The following DNAJC1 variants were observed in gnomAD, a reference collection of about 807,000 sequenced individuals.
DNAJC1 encodes DnaJ heat shock protein family (Hsp40) member C1.
Under a neutral mutation model 76.6 loss-of-function variants are expected in DNAJC1, and 58 were observed. The ratio of observed to expected loss-of-function variants is 0.76; its 90% CI spans 0.61 to 0.94. DNAJC1 has a LOEUF of 0.94. Ranked by LOEUF, DNAJC1 falls within the 40% of genes least tolerant of loss-of-function variation. The pLI, the probability that DNAJC1 is intolerant of heterozygous loss-of-function variation, is 0.00. For synonymous variants in DNAJC1, 258 were observed against 267.9 expected (o/e 0.96, Z 0.36); for missense variants, 689 against 677.3 (o/e 1.02, Z -0.19).
At chr10:21,810,548 G>C (rs921258194) in intron 8 of DNAJC1, among the ~76,000 whole-genome samples, 19 of 152,202 alleles carry the variant, frequency 1.2e-4, no homozygotes, top group African/African-American at 4.6e-4. Context: ...AAAGAGTCAT[G>C]AATTAATTTT....
At chr10:21,872,073 C>CTTT (rs546290479) in intron 8 of DNAJC1, among the ~76,000 whole-genome samples, 3 of 133,042 alleles carry the variant, frequency 2.3e-5, no homozygotes, top group African/African-American at 2.8e-5. Flanking sequence ...GTTAAATCAT[C>CTTT]TTTTTTTTTT....
chr10:21,802,921 A>C (rs890598142), intron 9 of DNAJC1, among the ~76,000 whole-genome samples: 5 of 152,146 alleles, frequency 3.3e-5, no homozygotes, highest in Admixed American at 1.3e-4. Flanking sequence ...TTATTTGCTG[A>C]AAGGCATATA....
intron 7 of DNAJC1, among the ~76,000 whole-genome samples, chr10:21,900,722 T>C (rs928782089): frequency 2.0e-5 from 3 of 152,178 alleles, no homozygotes; most frequent in African/African-American, 7.2e-5. Flanking sequence ...TGGCATAAGG[T>C]ACAGAGATTC....
chr10:21,985,247 GCT>G (rs1491172785), intron 1 of DNAJC1, among the ~76,000 whole-genome samples: 10 of 144,358 alleles, frequency 6.9e-5, no homozygotes, highest in Non-Finnish European at 1.4e-4. Context: ...CCACTACCCT[GCT>G]TTTTTTTTTT....
chr10:21,810,268 G>C (rs969004729), intron 8 of DNAJC1, among the ~76,000 whole-genome samples: 1 of 152,112 alleles, frequency 6.6e-6, no homozygotes, highest in Non-Finnish European at 1.5e-5. Flanking sequence ...GGCAGGAATT[G>C]GCTTTTGTCC....
intron 8 of DNAJC1, among the ~76,000 whole-genome samples, chr10:21,853,691 G>A (rs1415552976): frequency 6.6e-6 from 1 of 150,640 alleles, no homozygotes; most frequent in Non-Finnish European, 1.5e-5. Context: ...CTCATCAGGA[G>A]GCTGAGGCAG....
In DNAJC1 at chr10:22,003,571, TGGCTG is replaced by T. The variant is rs1838564161; in HGVS notation, c.-142_-138del. ...AGGCGCACCGGAGCGGCCCGCCAGG[TGGCTG>T]GCCCCAGACAGAGCGCGGAGGCGGC... On this transcript the variant is annotated 5_prime_UTR_variant, in exon 1 of 12. Transcript: ENST00000376980. 1 of 1,088,910 alleles carries T rather than the reference TGGCTG, an allele frequency of 9.2e-7. No individual in the cohort carries two copies. Among genetic ancestry groups the T allele is most frequent in the African/African-American group, 1.7e-5 (1 of 60,204 alleles). 67.5% of individuals were successfully genotyped at this position (1,088,910 alleles called of 1,614,324 possible).
chr10:21,868,827 T>C, intron 8 of DNAJC1, among the ~76,000 whole-genome samples: 1 of 151,330 alleles, frequency 6.6e-6, no homozygotes, highest in East Asian at 2.0e-4. Flanking sequence ...GGAAGTTAGA[T>C]ATGCCTCATT....
chr10:21,898,590 T>C (rs1836586421), intron 7 of DNAJC1, among the ~76,000 whole-genome samples: 2 of 151,392 alleles, frequency 1.3e-5, no homozygotes, highest in East Asian at 3.9e-4. Context: ...CTTGCTCTTG[T>C]TGCCCAGGCT....
rs1481779710 is a variant in DNAJC1 at position 21,788,748 on chromosome 10, T to A, written c.1098+17232A>T. ...GTCCTGAGTTGTCACTGAGCCCTAC[T>A]GGTTCAAGCTCCTGAATCAAAGCCA... On this transcript the variant is annotated intron_variant, in intron 9 of 11. Coordinates refer to ENST00000376980, the MANE Select transcript of DNAJC1 (RefSeq NM_022365.4). Among the ~76,000 whole-genome samples the A allele has an allele frequency of 1.3e-5, 2 of 152,156 alleles. 1 individual carries two copies. Among genetic ancestry groups the A allele is most frequent in the African/African-American group, 4.8e-5 (2 of 41,440 alleles).
intron 1 of DNAJC1, among the ~76,000 whole-genome samples, chr10:21,963,443 T>A (rs1837835642): frequency 6.6e-6 from 1 of 152,212 alleles, no homozygotes; most frequent in African/African-American, 2.4e-5. Flanking sequence ...CTTGCCTAGA[T>A]TAAAGGGTTA....
chr10:21,984,907 G>A (rs1328363502), intron 1 of DNAJC1, among the ~76,000 whole-genome samples: 1 of 152,198 alleles, frequency 6.6e-6, no homozygotes, highest in Non-Finnish European at 1.5e-5. Flanking sequence ...GTGTGTGCAT[G>A]TGTATGTATG....
At chr10:21,815,455 C>T (rs978210478) in intron 8 of DNAJC1, among the ~76,000 whole-genome samples, 1 of 152,122 alleles carries the variant, frequency 6.6e-6, no homozygotes, top group African/African-American at 2.4e-5. Context: ...CTGATAACTG[C>T]TATTGCTATC....
intron 8 of DNAJC1, among the ~76,000 whole-genome samples, chr10:21,832,682 A>T (rs1835379568): frequency 6.6e-6 from 1 of 152,136 alleles, no homozygotes; most frequent in African/African-American, 2.4e-5. Context: ...TTCACTCAGG[A>T]ATTTATTATC....
intron 8 of DNAJC1, among the ~76,000 whole-genome samples, chr10:21,835,543 A>C (rs1835435924): frequency 6.6e-6 from 1 of 152,198 alleles, no homozygotes; most frequent in Non-Finnish European, 1.5e-5. Context: ...TAAAGGAGGA[A>C]ATTCGAACCA....
intron 6 of DNAJC1, among the ~76,000 whole-genome samples, chr10:21,914,094 T>C (rs987236006): frequency 6.6e-6 from 1 of 152,204 alleles, no homozygotes; most frequent in African/African-American, 2.4e-5. Flanking sequence ...ACTTTTACCT[T>C]TTCTGCCTAT....
At chr10:21,902,784 A>G (rs1363033394) in intron 7 of DNAJC1, among the ~76,000 whole-genome samples, 2 of 152,208 alleles carry the variant, frequency 1.3e-5, no homozygotes, top group Non-Finnish European at 2.9e-5. Flanking sequence ...TTACTACTAA[A>G]TAATTCTAAC....
chr10:21,923,012 T>C (rs1837062904), intron 3 of DNAJC1, among the ~76,000 whole-genome samples: 1 of 152,024 alleles, frequency 6.6e-6, no homozygotes, highest in Admixed American at 6.6e-5. Flanking sequence ...TCAAATATTT[T>C]ATCACCATCA....
chr10:21,934,842 C>A (rs760601323), intron 1 of DNAJC1, among the ~76,000 whole-genome samples: 1 of 152,164 alleles, frequency 6.6e-6, no homozygotes, highest in Non-Finnish European at 1.5e-5. Context: ...CTATATACTT[C>A]TGGCTCCAAC....
Sources: allele counts gnomAD v4.1 joint callset (sites outside exome capture counted in the v4.1 genomes callset), GRCh38; gene constraint gnomAD v4.1.1; transcripts MANE v1.5; gene names NCBI Gene and HGNC (gene_info 2026-07-23, HGNC 2026-07-21).